The following NWD2 variants were observed in gnomAD, a reference collection of about 807,000 sequenced individuals.
The protein encoded by NWD2 is NACHT and WD repeat domain containing 2, also known as NACHT and WD repeat domain-containing protein 2.
Under a neutral mutation model 132.7 loss-of-function variants are expected in NWD2, and 37 were observed. The observed-to-expected ratio is 0.28, with a 90% CI of 0.21 to 0.37. The LOEUF is 0.37. Ranked by LOEUF, NWD2 falls within the 10% of genes least tolerant of loss-of-function variation. The pLI, the probability that NWD2 is intolerant of heterozygous loss-of-function variation, is 1.00. For synonymous variants in NWD2, 705 were observed against 803.0 expected, an observed-to-expected ratio of 0.88 and a Z score of 2.06; for missense variants, 1,592 against 2,122.4, an observed-to-expected ratio of 0.75 and a Z score of 4.91.
At chr4:37,423,539 G>A (rs953862277) in intron 3 of NWD2, among the ~76,000 whole-genome samples, 9 of 152,124 alleles carry the variant, frequency 5.9e-5, no homozygotes, top group South Asian at 4.1e-4. Flanking sequence ...AATAAGTCCC[G>A]GTCCAAGAGC....
At chr4:37,398,947 G>A (rs1054874986) in intron 3 of NWD2, among the ~76,000 whole-genome samples, 8 of 152,036 alleles carry the variant, frequency 5.3e-5, no homozygotes, top group Admixed American at 1.3e-4. Flanking sequence ...AGACAACATG[G>A]GATTTCTTGG....
rs779464479 is a variant in NWD2, at chr4:37,444,895, T to A, written c.2907T>A (p.His969Gln). The change falls in exon 7 of 7, where the codon CAT becomes CAA. Residue 969 changes from histidine to glutamine, a missense_variant. By Grantham distance (24) the His-to-Gln change is conservative (BLOSUM62 0). Coordinates refer to ENST00000309447, the MANE Select transcript of NWD2 (RefSeq NM_001144990.2). The surrounding 1 kb of genome is among the most constrained non-coding windows in gnomAD (Gnocchi z 4.8). ...TTCCCTTATCATCCAGTCACCTGCA[T>A]GTCACAGAGATCCTGCCTACCTGTA... ...ERLPLSSSHL[H>Q]VTEILPTCNP... is the part of the protein sequence containing the mutation. 14 of 1,552,192 alleles carry A rather than the reference T, an allele frequency of 9.0e-6. No individual in the cohort carries two copies. The African/African-American group carries it at 9.6e-5, about 11-fold the overall frequency.
chr4:37,340,740 A>T (rs1719503645), intron 2 of NWD2, among the ~76,000 whole-genome samples: 1 of 152,254 alleles, frequency 6.6e-6, no homozygotes, highest in Non-Finnish European at 1.5e-5. Context: ...CAAATCTGAG[A>T]GAAAATTCTA....
At chr4:37,388,665 T>TATATAAATATATATCGTATATATC (rs1364609586) in intron 3 of NWD2, among the ~76,000 whole-genome samples, 3 of 147,652 alleles carry the variant, frequency 2.0e-5, no homozygotes, top group Non-Finnish European at 4.5e-5. Context: ...ATATATATCA[T>TATATAAATATATATCGTATATATC]ATATAAATAT....
At chr4:37,370,510 A>G (rs1720196230) in intron 3 of NWD2, among the ~76,000 whole-genome samples, 1 of 152,236 alleles carries the variant, frequency 6.6e-6, no homozygotes, top group Admixed American at 6.5e-5. Flanking sequence ...CCTTGGAATA[A>G]GGAGCTGAGT....
Position 37,249,968 on chromosome 4 carries a change from A to G in NWD2, c.151+4750A>G, listed in dbSNP as rs564466712. Among the ~76,000 whole-genome samples, 5 of 152,302 alleles carry G rather than the reference A, an allele frequency of 3.3e-5. No homozygotes were observed. In the South Asian group the frequency reaches 1.0e-3, roughly 32 times the overall value. On this transcript the variant is annotated intron_variant, in intron 1 of 6. Coordinates refer to ENST00000309447, the MANE Select transcript of NWD2 (RefSeq NM_001144990.2). The stretch of plus-strand genomic sequence containing the variant: ...GGTTCATTTGCTACAACTAGTGCTC[A>G]ATTGCTTGAACTTGCTTCCCCACAC...
intron 6 of NWD2, among the ~76,000 whole-genome samples, chr4:37,440,996 T>C (rs1291931419): frequency 6.6e-6 from 1 of 152,236 alleles, no homozygotes; most frequent in Non-Finnish European, 1.5e-5. Flanking sequence ...ATTGGTCCTC[T>C]TGAAGACAAG....
At chr4:37,295,546 T>G (rs1302058513) in intron 1 of NWD2, among the ~76,000 whole-genome samples, 1 of 152,240 alleles carries the variant, frequency 6.6e-6, no homozygotes, top group African/African-American at 2.4e-5. Flanking sequence ...TGATTCTGTC[T>G]GTCTTCCCTA....
At position 37,444,696 on chromosome 4, in the gene NWD2, T is replaced by C; in HGVS notation, c.2708T>C (p.Val903Ala). The stretch of plus-strand genomic sequence containing the variant: ...ACCCTCCGCAGCATCAAAAACAAGG[T>C]CACTGCATTTCCCGGCTCCCTTTCA... ...ANTLRSIKNK[V>A]TAFPGSLSAE... Residue 903 changes from valine to alanine, a missense_variant, in exon 7 of 7, where the codon GTC (valine) becomes GCC (alanine). Around this residue, in one of 7 missense-constraint regions of NWD2, gnomAD observed 1,071 missense variants for 1,398.0 expected, o/e 0.77. Transcript: ENST00000309447. This position sits in a 1 kb window ranked among gnomAD's most constrained non-coding sequence, Gnocchi z 4.8. 1 of 1,552,068 alleles carries C rather than the reference T, an allele frequency of 6.4e-7. No homozygotes were observed. Among genetic ancestry groups the C allele is most frequent in the Non-Finnish European group, 8.7e-7 (1 of 1,147,090 alleles).
intron 3 of NWD2, among the ~76,000 whole-genome samples, chr4:37,382,023 C>T (rs1428391755): frequency 1.3e-5 from 2 of 152,196 alleles, no homozygotes; most frequent in African/African-American, 2.4e-5. Context: ...GGACTGTCCT[C>T]TCCTGGATGC....
chr4:37,313,987 C>A (rs183533820), intron 1 of NWD2, among the ~76,000 whole-genome samples: 1 of 145,516 alleles, frequency 6.9e-6, no homozygotes, highest in South Asian at 2.1e-4. Context: ...TGAGCCACTG[C>A]GCCTGGCCAT....
At chr4:37,358,206 T>C (rs1276493266) in intron 3 of NWD2, among the ~76,000 whole-genome samples, 2 of 152,168 alleles carry the variant, frequency 1.3e-5, no homozygotes, top group Non-Finnish European at 2.9e-5. Flanking sequence ...CAGGAAAAAC[T>C]GCAGAAGTGT....
intron 2 of NWD2, among the ~76,000 whole-genome samples, chr4:37,345,349 G>T (rs1367030308): frequency 6.6e-6 from 1 of 152,038 alleles, no homozygotes; most frequent in African/African-American, 2.4e-5. Flanking sequence ...AATGTATGAG[G>T]GTTCCAATGT....
intron 2 of NWD2, among the ~76,000 whole-genome samples, chr4:37,351,020 G>C (rs911819278): frequency 6.6e-6 from 1 of 152,098 alleles, no homozygotes; most frequent in Non-Finnish European, 1.5e-5. Flanking sequence ...TTGCATCCCA[G>C]GGATGAAGCT....
intron 1 of NWD2, among the ~76,000 whole-genome samples, chr4:37,282,047 T>A (rs967380726): frequency 6.6e-6 from 1 of 152,186 alleles, no homozygotes; most frequent in African/African-American, 2.4e-5. Context: ...TCAGTATAAT[T>A]TTGCTTATAT....
intron 3 of NWD2, among the ~76,000 whole-genome samples, chr4:37,424,163 C>T (rs1419317487): frequency 3.3e-5 from 5 of 152,108 alleles, no homozygotes. Context: ...TGCCATAGTC[C>T]TTGTGAACAG....
intron 1 of NWD2, among the ~76,000 whole-genome samples, chr4:37,309,992 C>T (rs1776534): frequency 0.034 from 5,185 of 152,222 alleles, 302 homozygotes; most frequent in African/African-American, 0.12. Context: ...AGATTTATTT[C>T]TAGTTCACTG....
At chr4:37,348,232 G>A (rs137968085) in intron 2 of NWD2, among the ~76,000 whole-genome samples, 47 of 152,284 alleles carry the variant, frequency 3.1e-4, no homozygotes, top group African/African-American at 1.0e-3. Flanking sequence ...CTCTAAACAA[G>A]CCTAGTTCTT....
rs370471874 is a variant in NWD2, at chr4:37,345,597, C to CA, written c.241-10762dup. Among the ~76,000 whole-genome samples the CA allele has an allele frequency of 2.6e-4, 39 of 151,986 alleles. 1 individual carries two copies. The highest frequency in any genetic ancestry group is 8.7e-4 in the African/African-American group (36 of 41,472). On this transcript the variant is annotated intron_variant, in intron 2 of 6. Coordinates refer to ENST00000309447, the MANE Select transcript of NWD2 (RefSeq NM_001144990.2). Reference sequence around the variant, plus strand: ...GTAGGAGTTCTTTATGTATTCTAGACAAAAAAATCCATACAAATATGATCT... The same window carrying CA: ...GTAGGAGTTCTTTATGTATTCTAGACAAAAAAAATCCATACAAATATGATCT...
Sources: gnomAD v4.1 joint callset for allele counts (sites outside exome capture counted in the v4.1 genomes callset) on GRCh38, gnomAD v4.1.1 for gene constraint, gnomAD v4.1.1 regional missense constraint, Gnocchi (gnomAD v3.1) non-coding constraint, MANE v1.5 for transcripts, NCBI Gene and HGNC (gene_info 2026-07-23, HGNC 2026-07-21) for gene names.